The following MBOAT2 variants were observed in gnomAD, a reference collection of about 807,000 sequenced individuals.
MBOAT2 encodes membrane-bound glycerophospholipid O-acyltransferase 2.
Under a neutral mutation model 63.4 loss-of-function variants are expected in MBOAT2, and 28 were observed. That is an observed-to-expected ratio of 0.44 (90% CI 0.33 to 0.61). MBOAT2 has a LOEUF of 0.61. MBOAT2 is among the 20% of genes least tolerant of loss of function. The probability of loss-of-function intolerance (pLI) is 0.03; values close to 1 mark genes in which losing one functional copy is unlikely to be tolerated. For synonymous variants in MBOAT2, 211 were observed against 215.6 expected, an observed-to-expected ratio of 0.98 and a Z score of 0.19; for missense variants, 470 against 605.8, an observed-to-expected ratio of 0.78 and a Z score of 2.35.
chr2:8,986,783 G>A (rs964163357), intron 1 of MBOAT2, among the ~76,000 whole-genome samples: 2 of 152,050 alleles, frequency 1.3e-5, no homozygotes, highest in Non-Finnish European at 2.9e-5. Flanking sequence ...CTTATAAAAA[G>A]AGACACAGAG....
intron 4 of MBOAT2, among the ~76,000 whole-genome samples, chr2:8,894,014 C>T (rs1021415991): frequency 6.6e-6 from 1 of 151,828 alleles, no homozygotes; most frequent in African/African-American, 2.4e-5. Context: ...AGGTTTGTTA[C>T]ATAGGTATAC....
chr2:8,980,468 AG>A (rs1339075712), intron 1 of MBOAT2, among the ~76,000 whole-genome samples: 2 of 152,184 alleles, frequency 1.3e-5, no homozygotes, highest in Admixed American at 6.5e-5. Flanking sequence ...GTAGATTATG[AG>A]GTTTATAAAG....
At chr2:8,949,241 G>A (rs1668643350) in intron 2 of MBOAT2, among the ~76,000 whole-genome samples, 1 of 152,016 alleles carries the variant, frequency 6.6e-6, no homozygotes, top group Admixed American at 6.6e-5. Context: ...TTAAACCTTT[G>A]TCAAATCCAC....
In MBOAT2 at chr2:8,857,870, C is replaced by G. The variant is rs185794020; in HGVS notation, c.*809G>C. ...CGCGGCTGTGCCCCGTGCATTCCACCGGAGGCCACGCAGTGCTTCTTCATT... is the reference window on the plus strand; with the variant it reads ...CGCGGCTGTGCCCCGTGCATTCCACGGGAGGCCACGCAGTGCTTCTTCATT... On this transcript the variant is annotated 3_prime_UTR_variant, in exon 13 of 13. Coordinates refer to ENST00000305997, the MANE Select transcript of MBOAT2 (RefSeq NM_138799.4). 36 of 152,350 alleles carry G rather than the reference C, an allele frequency of 2.4e-4. No individual in the cohort carries two copies. Among genetic ancestry groups the G allele is most frequent in the Admixed American group, 2.2e-3 (34 of 15,304 alleles). 9.4% of individuals were successfully genotyped at this position (152,350 alleles called of 1,614,324 possible). A position where few individuals can be genotyped will look rare whatever the true frequency, so the allele number is the denominator to read the frequency against.
At chr2:8,996,356 G>C (rs188358970) in intron 1 of MBOAT2, among the ~76,000 whole-genome samples, 14 of 142,140 alleles carry the variant, frequency 9.8e-5, no homozygotes, top group African/African-American at 3.2e-4. Flanking sequence ...TCTGACAACA[G>C]GTTTTTTATT....
intron 2 of MBOAT2, among the ~76,000 whole-genome samples, chr2:8,957,790 A>G (rs1669331991): frequency 6.6e-6 from 1 of 152,192 alleles, no homozygotes; most frequent in Non-Finnish European, 1.5e-5. Context: ...CCACAAAGAG[A>G]CTGCCGCTGA....
intron 3 of MBOAT2, among the ~76,000 whole-genome samples, chr2:8,936,781 CG>C (rs1380491073): frequency 9.5e-6 from 1 of 105,214 alleles, no homozygotes; most frequent in East Asian, 2.5e-4. Context: ...AGGGAGACTC[CG>C]TCTCAAAAAA....
intron 9 of MBOAT2, among the ~76,000 whole-genome samples, chr2:8,865,673 G>T (rs1661820044): frequency 6.6e-6 from 1 of 152,152 alleles, no homozygotes; most frequent in African/African-American, 2.4e-5. Context: ...CCCTTTACGG[G>T]GAATGAACTC....
chr2:8,932,628 G>GC (rs1287456458), intron 3 of MBOAT2, among the ~76,000 whole-genome samples: 1 of 152,098 alleles, frequency 6.6e-6, no homozygotes, highest in Non-Finnish European at 1.5e-5. Context: ...TTCTAGAGCT[G>GC]CCAGTTACTG....
chr2:8,982,497 T>C (rs765460302), intron 1 of MBOAT2, among the ~76,000 whole-genome samples: 3 of 152,186 alleles, frequency 2.0e-5, no homozygotes, highest in Non-Finnish European at 4.4e-5. Context: ...CTGTAATCAC[T>C]TTTGGAAACC....
intron 2 of MBOAT2, among the ~76,000 whole-genome samples, chr2:8,948,955 C>T (rs1668618773): frequency 1.3e-5 from 2 of 152,180 alleles, no homozygotes; most frequent in African/African-American, 2.4e-5. Flanking sequence ...ACTTTCCCAA[C>T]GTTGTATGAA....
At chr2:8,961,266 T>C (rs77611590) in intron 1 of MBOAT2, among the ~76,000 whole-genome samples, 1 of 152,202 alleles carries the variant, frequency 6.6e-6, no homozygotes, top group Non-Finnish European at 1.5e-5. Context: ...AGTGAGGCAC[T>C]ATCTTCCGCC....
chr2:8,990,270 G>A (rs1022648219), intron 1 of MBOAT2, among the ~76,000 whole-genome samples: 4 of 152,058 alleles, frequency 2.6e-5, no homozygotes, highest in African/African-American at 9.7e-5. Context: ...CATTTCACAA[G>A]GGCTAAACTC....
intron 4 of MBOAT2, among the ~76,000 whole-genome samples, chr2:8,896,429 G>A (rs1664478929): frequency 1.9e-5 from 1 of 51,756 alleles, no homozygotes; most frequent in Non-Finnish European, 3.5e-5. Context: ...GTTTTGGAGA[G>A]TCACTGCTGC....
intron 5 of MBOAT2, among the ~76,000 whole-genome samples, chr2:8,885,234 C>CT (rs1274780434): frequency 1.3e-5 from 2 of 152,336 alleles, no homozygotes; most frequent in African/African-American, 2.4e-5. Context: ...CAAACAACCA[C>CT]TGATTATCTC....
At chr2:8,943,093 ATAAT>A (rs1668164299) in intron 3 of MBOAT2, 90 bp downstream of exon 3, 4 of 669,672 alleles carry the variant, frequency 6.0e-6, no homozygotes, top group Non-Finnish European at 9.2e-6. Context: ...ATCACAATTC[ATAAT>A]TACTTTTAAT....
intron 2 of MBOAT2, among the ~76,000 whole-genome samples, chr2:8,951,830 C>A (rs1668857989): frequency 6.6e-6 from 1 of 152,120 alleles, no homozygotes; most frequent in Non-Finnish European, 1.5e-5. Flanking sequence ...CTTTGTTAAT[C>A]TAGCTAGCAA....
intron 3 of MBOAT2, among the ~76,000 whole-genome samples, chr2:8,931,215 G>A (rs868385573): frequency 2.0e-5 from 3 of 152,074 alleles, no homozygotes; most frequent in Non-Finnish European, 2.9e-5. Flanking sequence ...TTTAATAATC[G>A]CCATTCTGAC....
intron 3 of MBOAT2, among the ~76,000 whole-genome samples, chr2:8,932,495 T>G (rs1039250868): frequency 2.6e-5 from 4 of 152,230 alleles, no homozygotes; most frequent in African/African-American, 9.6e-5. Flanking sequence ...AAGATTTTTA[T>G]GCTAGCAGGT....
Sources: allele counts gnomAD v4.1 joint callset (sites outside exome capture counted in the v4.1 genomes callset), GRCh38; gene constraint gnomAD v4.1.1; transcripts MANE v1.5; gene names NCBI Gene and HGNC (gene_info 2026-07-23, HGNC 2026-07-21).